The following PLCE1 variants were observed in gnomAD, a reference collection of about 807,000 sequenced individuals.
The protein encoded by PLCE1 is phospholipase C epsilon 1, also known as 1-phosphatidylinositol 4,5-bisphosphate phosphodiesterase epsilon-1.
PLCE1 carries 119 observed loss-of-function variants against 242.8 expected under a neutral mutation model. The ratio of observed to expected loss-of-function variants is 0.49; its 90% CI spans 0.42 to 0.57. PLCE1 has a LOEUF of 0.57. Among genes scored for constraint, PLCE1 ranks in the 20% least tolerant of loss-of-function variants. The pLI is 0.00. For missense variants in PLCE1, 2,441 were observed against 2,788.8 expected, an observed-to-expected ratio of 0.88 and a Z score of 2.81; for synonymous variants, 945 against 1,017.4, an observed-to-expected ratio of 0.93 and a Z score of 1.35.
intron 19 of PLCE1, among the ~76,000 whole-genome samples, chr10:94,277,341 T>C (rs1036037070): frequency 6.6e-6 from 1 of 152,160 alleles, no homozygotes; most frequent in Non-Finnish European, 1.5e-5. Flanking sequence ...AGTCTCCTCA[T>C]CTGACCCATA....
intron 1 of PLCE1, among the ~76,000 whole-genome samples, chr10:94,011,767 T>C (rs1283779005): frequency 6.8e-6 from 1 of 146,914 alleles, no homozygotes; most frequent in Non-Finnish European, 1.5e-5. Flanking sequence ...AGCCTCTTCC[T>C]TTTTTTTTCT....
At chr10:94,162,299 G>A (rs1464718513) in intron 3 of PLCE1, among the ~76,000 whole-genome samples, 3 of 152,048 alleles carry the variant, frequency 2.0e-5, no homozygotes, top group South Asian at 2.1e-4. Flanking sequence ...ACTTTTTTTG[G>A]TTGGTAACCT....
intron 3 of PLCE1, among the ~76,000 whole-genome samples, chr10:94,153,545 G>A (rs1485692183): frequency 6.6e-6 from 1 of 152,136 alleles, no homozygotes; most frequent in Non-Finnish European, 1.5e-5. Flanking sequence ...AGCCAGGGCA[G>A]TTAGGCAACA....
At chr10:93,994,954 T>G (rs890751121) in intron 1 of PLCE1, among the ~76,000 whole-genome samples, 5 of 152,252 alleles carry the variant, frequency 3.3e-5, no homozygotes, top group African/African-American at 4.8e-5. Context: ...TCGAAAAGTT[T>G]TATTTGCACG....
rs575799305 is a variant in PLCE1, at chr10:94,015,649, C to T, written c.-364-15034C>T. Among the ~76,000 whole-genome samples, 31 of 152,102 alleles carry T rather than the reference C, an allele frequency of 2.0e-4. No homozygotes were observed. The South Asian group carries it at 5.4e-3, about 27-fold the overall frequency. ...GGTCAGAAAAGCTTCCTGACTAGAA[C>T]GTGGCTCAGGAGAAAGGAAGGTAAT... On this transcript the variant is annotated intron_variant, in intron 1 of 32. Transcript: ENST00000371380.
At chr10:94,256,397 A>T (rs1286754098) in intron 11 of PLCE1, among the ~76,000 whole-genome samples, 1 of 151,830 alleles carries the variant, frequency 6.6e-6, no homozygotes, top group African/African-American at 2.4e-5. Context: ...AGAATCCTAC[A>T]GTAAATTATC....
At chr10:94,064,284 G>A (rs940470825) in intron 2 of PLCE1, among the ~76,000 whole-genome samples, 1 of 152,114 alleles carries the variant, frequency 6.6e-6, no homozygotes, top group Non-Finnish European at 1.5e-5. Flanking sequence ...AGACGTGGTG[G>A]CTCAGGCTTG....
chr10:94,056,163 G>T (rs2043897846), intron 2 of PLCE1, among the ~76,000 whole-genome samples: 1 of 151,914 alleles, frequency 6.6e-6, no homozygotes, highest in Non-Finnish European at 1.5e-5. Flanking sequence ...TTATTATTTT[G>T]GTTTCATTTT....
At chr10:94,103,474 C>A (rs2045614091) in intron 2 of PLCE1, among the ~76,000 whole-genome samples, 1 of 152,160 alleles carries the variant, frequency 6.6e-6, no homozygotes. Flanking sequence ...AGAAAAAAAG[C>A]ACGCAAAAGA....
At position 94,313,246 on chromosome 10, in the gene PLCE1, C is replaced by T; in HGVS notation, c.6004-8C>T. The T allele has an allele frequency of 6.2e-7, 1 of 1,613,924 alleles. No individual in the cohort carries two copies. The highest frequency in any genetic ancestry group is 8.5e-7 in the Non-Finnish European group (1 of 1,179,924). On this transcript the variant is annotated splice_region_variant and splice_polypyrimidine_tract_variant and intron_variant, in intron 27 of 32. Coordinates refer to ENST00000371380, the MANE Select transcript of PLCE1 (RefSeq NM_016341.4). Reference sequence around the variant, plus strand: ...GATGAATGATCAGCCATGTGATCTTCTTGACAGATGTTTAATACAGAAGAA... The same window carrying T: ...GATGAATGATCAGCCATGTGATCTTTTTGACAGATGTTTAATACAGAAGAA...
intron 2 of PLCE1, among the ~76,000 whole-genome samples, chr10:94,092,037 T>C (rs2045094687): frequency 6.6e-6 from 1 of 152,150 alleles, no homozygotes; most frequent in Admixed American, 6.5e-5. Context: ...GCCACTGTAA[T>C]TTAATAACCC....
In PLCE1 at chr10:94,329,661, C is replaced by T. The variant is rs527505230; in HGVS notation, c.*1718C>T. On this transcript the variant is annotated 3_prime_UTR_variant, in exon 33 of 33. Transcript: ENST00000371380. Reference sequence around the variant, plus strand: ...AGCGTGGTGGCACGTGCCTGTAATCCCAGCTACTCGGGAGGCTGAGGCAGG... The same window carrying T: ...AGCGTGGTGGCACGTGCCTGTAATCTCAGCTACTCGGGAGGCTGAGGCAGG... 3.9e-5 allele frequency: 6 copies of T among 152,102 alleles called. No homozygotes were observed. The highest frequency in any genetic ancestry group is 6.6e-5 in the Admixed American group (1 of 15,254). The allele number at this position is 152,102 out of a possible 1,614,324, so 9.4% of individuals were successfully genotyped here. A position where few individuals can be genotyped will look rare whatever the true frequency, so the allele number is the denominator to read the frequency against.
intron 19 of PLCE1, among the ~76,000 whole-genome samples, chr10:94,278,185 A>G (rs1189825925): frequency 2.0e-5 from 3 of 152,228 alleles, no homozygotes; most frequent in Non-Finnish European, 2.9e-5. Context: ...GAATTATTTT[A>G]AAACATACAT....
chr10:94,273,984 G>A (rs574540400), intron 19 of PLCE1, among the ~76,000 whole-genome samples: 3 of 152,328 alleles, frequency 2.0e-5, no homozygotes, highest in Admixed American at 2.0e-4. Context: ...GATGAAGTGT[G>A]ACTGTTGTGT....
chr10:94,199,636 G>T (rs1029420715), intron 4 of PLCE1, among the ~76,000 whole-genome samples: 9 of 152,294 alleles, frequency 5.9e-5, no homozygotes, highest in Non-Finnish European at 1.2e-4. Flanking sequence ...CGGCAAAAAG[G>T]TTTGTCTTAG....
At chr10:94,082,056 C>G (rs1263402703) in intron 2 of PLCE1, 1 of 152,156 alleles carries the variant, frequency 6.6e-6, no homozygotes, top group Non-Finnish European at 1.5e-5. Flanking sequence ...AGCATTCACT[C>G]AGGTAATATA....
intron 4 of PLCE1, among the ~76,000 whole-genome samples, chr10:94,216,002 T>C (rs1179064939): frequency 6.6e-6 from 1 of 152,162 alleles, no homozygotes; most frequent in Non-Finnish European, 1.5e-5. Flanking sequence ...GCAGAGTACA[T>C]GGGCTCTGGG....
In PLCE1 at chr10:94,067,647, G is replaced by A. The variant is rs115278470; in HGVS notation, c.1206+35395G>A. Among the ~76,000 whole-genome samples the A allele has an allele frequency of 9.3e-3, 1,419 of 152,310 alleles. 14 individuals carry two copies. Among genetic ancestry groups the A allele is most frequent in the Middle Eastern group, 0.044 (13 of 294 alleles). ...AGGGCTAACAGCAAAGGGCCTGAAGGGGGAAGAGGAGGGAGCAATTACTTG... is the reference window on the plus strand; with the variant it reads ...AGGGCTAACAGCAAAGGGCCTGAAGAGGGAAGAGGAGGGAGCAATTACTTG... On this transcript the variant is annotated intron_variant, in intron 2 of 32. Coordinates refer to ENST00000371380, the MANE Select transcript of PLCE1 (RefSeq NM_016341.4).
intron 23 of PLCE1, among the ~76,000 whole-genome samples, chr10:94,297,442 A>G (rs1209316493): frequency 1.3e-5 from 2 of 152,064 alleles, no homozygotes; most frequent in Admixed American, 1.3e-4. Context: ...ACAGATCACC[A>G]TAACAGATAT....
Sources: gnomAD v4.1 joint callset for allele counts (sites outside exome capture counted in the v4.1 genomes callset) on GRCh38, gnomAD v4.1.1 for gene constraint, MANE v1.5 for transcripts, NCBI Gene and HGNC (gene_info 2026-07-23, HGNC 2026-07-21) for gene names.